Variants in CDC34 observed in about 807,000 individuals in gnomAD.
CDC34 encodes cell division cycle 34, ubiquitin conjugating enzyme, also known as ubiquitin-conjugating enzyme E2 R1.
In CDC34, 18 loss-of-function variants were observed where a neutral mutation model predicts 26.8. That is an observed-to-expected ratio of 0.67 (90% CI 0.47 to 1.00). The LOEUF is 1.00. CDC34 is among the 50% of genes least tolerant of loss of function. The pLI is 0.00. For missense variants in CDC34, 280 were observed against 334.5 expected, an observed-to-expected ratio of 0.84 and a Z score of 1.27; for synonymous variants, 178 against 147.5, an observed-to-expected ratio of 1.21 and a Z score of -1.50.
intron 1 of CDC34, among the ~76,000 whole-genome samples, chr19:535,222 G>T (rs531094138): frequency 6.6e-6 from 1 of 152,348 alleles, no homozygotes; most frequent in South Asian, 2.1e-4. Context: ...TGACAGGGAA[G>T]GAGTCCTGCC....
At chr19:537,810 C>G (rs1979830643) in intron 4 of CDC34, among the ~76,000 whole-genome samples, 1 of 151,908 alleles carries the variant, frequency 6.6e-6, no homozygotes, top group South Asian at 2.1e-4. Context: ...TGCCCACTAC[C>G]ACGCCGAGCT....
Position 535,941 on chromosome 19 carries a change from G to C in CDC34, c.264+18G>C. On this transcript the variant is annotated intron_variant, in intron 2 of 4. Transcript: ENST00000215574. The stretch of plus-strand genomic sequence containing the variant: ...TCTACGAGGTGAGCGCGGCCCCCAC[G>C]GGCCTCAAGTCCTCATCCTCCGGGA... The C allele has an allele frequency of 6.2e-7, 1 of 1,607,244 alleles. No homozygotes were observed. Among genetic ancestry groups the C allele is most frequent in the South Asian group, 1.1e-5 (1 of 90,944 alleles).
At chr19:540,045 C>CCAGGTTTAGAATCCGGAGGCCGGGGTGG (rs1979942622) in intron 4 of CDC34, among the ~76,000 whole-genome samples, 1 of 139,346 alleles carries the variant, frequency 7.2e-6, no homozygotes. Context: ...GGCCAGGCCC[C>CCAGGTTTAGAATCCGGAGGCCGGGGTGG]CCACGTTTAG....
At chr19:538,960 C>T (rs940815803) in intron 4 of CDC34, 25 of 985,234 alleles carry the variant, frequency 2.5e-5, no homozygotes, top group Non-Finnish European at 2.8e-5. Context: ...CGGTTCTTCC[C>T]GGCCACCTCC....
At chr19:538,811 C>T (rs1172799950) in intron 4 of CDC34, 1 of 985,146 alleles carries the variant, frequency 1.0e-6, no homozygotes. Flanking sequence ...CCCGTGCGGC[C>T]TCCTGGGAAG....
At position 541,597 on chromosome 19, in the gene CDC34, C is replaced by T; in HGVS notation, c.*45C>T. On this transcript the variant is annotated 3_prime_UTR_variant, in exon 5 of 5. Transcript: ENST00000215574. Reference sequence around the variant, plus strand: ...CCGAGTTTACCTCACTAGGGCCGGACCCGTGGCTCCTTAGACGACAGACTA... The same window carrying T: ...CCGAGTTTACCTCACTAGGGCCGGATCCGTGGCTCCTTAGACGACAGACTA... 6.6e-7 allele frequency: 1 copy of T among 1,515,400 alleles called. No individual in the cohort carries two copies. Among genetic ancestry groups the T allele is most frequent in the Non-Finnish European group, 8.9e-7 (1 of 1,129,916 alleles). 93.9% of individuals were successfully genotyped at this position (1,515,400 alleles called of 1,614,324 possible).
chr19:536,142 C>T (rs1979737142), intron 2 of CDC34, 101 bp from the exon 3 acceptor site: 4 of 1,002,468 alleles, frequency 4.0e-6, no homozygotes, highest in Middle Eastern at 2.1e-4. Flanking sequence ...GCGCTGGGAG[C>T]CTCACGTCCT....
rs995788792 is a variant in CDC34 at position 541,855 on chromosome 19, G to T, written c.*303G>T. 15 of 230,102 alleles carry T rather than the reference G, an allele frequency of 6.5e-5. No homozygotes were observed. Among genetic ancestry groups the T allele is most frequent in the African/African-American group, 3.2e-4 (14 of 44,236 alleles). The allele number at this position is 230,102 out of a possible 1,614,324, so 14.3% of individuals were successfully genotyped here. On this transcript the variant is annotated 3_prime_UTR_variant, in exon 5 of 5. Coordinates refer to ENST00000215574, the MANE Select transcript of CDC34 (RefSeq NM_004359.2). ...TTCTACCGGGGTCCCCCAGCTTCCGGACTGGCCGCACCCCGGAGGAGCCAC... is the reference window on the plus strand; with the variant it reads ...TTCTACCGGGGTCCCCCAGCTTCCGTACTGGCCGCACCCCGGAGGAGCCAC...
intron 1 of CDC34, among the ~76,000 whole-genome samples, chr19:533,974 C>T (rs1016498842): frequency 4.6e-5 from 7 of 152,220 alleles, no homozygotes; most frequent in African/African-American, 1.7e-4. Flanking sequence ...GGGCAGGGGC[C>T]GCCAGAGAGA....
At position 541,493 on chromosome 19, in the gene CDC34, G is replaced by C. The variant is rs531877075; in HGVS notation, c.652G>C (p.Glu218Gln). Residue 218 changes from glutamate (E) to glutamine (Q), a missense_variant, in exon 5 of 5, where the codon GAG becomes CAG. Physicochemically the swap from Glu to Gln is conservative, Grantham distance 29. Transcript: ENST00000215574. ...CTACTACGAGGACGGCGAGGTGGAG[G>C]AGGAGGCCGACAGCTGCTTCGGGGA... Reference protein sequence around the residue: ...DDYYEDGEVEEEADSCFGDDE... With the variant: ...DDYYEDGEVEQEADSCFGDDE... 6.2e-7 allele frequency: 1 copy of C among 1,611,036 alleles called. No individual in the cohort carries two copies. Among genetic ancestry groups the C allele is most frequent in the East Asian group, 2.2e-5 (1 of 44,800 alleles).
intron 1 of CDC34, 115 bp from the exon 2 acceptor site, chr19:535,722 C>T (rs556738390): frequency 5.6e-5 from 46 of 822,628 alleles, no homozygotes; most frequent in Non-Finnish European, 8.8e-5. Context: ...TACGGTGTCC[C>T]TCACACACAC....
rs1046479060 is a variant in CDC34, at chr19:541,718, C to T, written c.*166C>T. On this transcript the variant is annotated 3_prime_UTR_variant, in exon 5 of 5. Coordinates refer to ENST00000215574, the MANE Select transcript of CDC34 (RefSeq NM_004359.2). ...GTCTGTTCTGGGTTTTCACGTGCTTCAGAGAAGAGGGGCTGCCCCACCGCC... is the reference window on the plus strand; with the variant it reads ...GTCTGTTCTGGGTTTTCACGTGCTTTAGAGAAGAGGGGCTGCCCCACCGCC... 1.4e-6 allele frequency: 1 copy of T among 720,986 alleles called. No individual in the cohort carries two copies. Among genetic ancestry groups the T allele is most frequent in the Non-Finnish European group, 2.1e-6 (1 of 481,158 alleles). The allele number at this position is 720,986 out of a possible 1,614,324, so 44.7% of individuals were successfully genotyped here.
chr19:539,962 C>T (rs1979936017), intron 4 of CDC34, among the ~76,000 whole-genome samples: 1 of 150,656 alleles, frequency 6.6e-6, no homozygotes, highest in African/African-American at 2.4e-5. Flanking sequence ...GCTGGGATGG[C>T]CAGGCCCCCC....
At chr19:535,439 CTCCA>C (rs1412582646) in intron 1 of CDC34, among the ~76,000 whole-genome samples, 2 of 152,254 alleles carry the variant, frequency 1.3e-5, no homozygotes. Context: ...TGGGCTTCAG[CTCCA>C]TCCAAGGGGA....
At position 541,841 on chromosome 19, in the gene CDC34, T is replaced by C. The variant is rs553693388; in HGVS notation, c.*289T>C. On this transcript the variant is annotated 3_prime_UTR_variant, in exon 5 of 5. Coordinates refer to ENST00000215574, the MANE Select transcript of CDC34 (RefSeq NM_004359.2). ...GAGCTGAGCCCGACTTCTACCGGGG[T>C]CCCCCAGCTTCCGGACTGGCCGCAC... 4 of 241,366 alleles carry C rather than the reference T, an allele frequency of 1.7e-5. No individual in the cohort carries two copies. Among genetic ancestry groups the C allele is most frequent in the Non-Finnish European group, 3.2e-5 (4 of 125,606 alleles). The allele number at this position is 241,366 out of a possible 1,614,324, so 15.0% of individuals were successfully genotyped here.
rs368089180 is a variant in CDC34 at position 537,135 on chromosome 19, C to T, written c.485C>T (p.Thr162Ile). 2.5e-5 allele frequency: 41 copies of T among 1,613,330 alleles called. 1 individual carries two copies. Among genetic ancestry groups the T allele is most frequent in the Admixed American group, 3.3e-5 (2 of 60,008 alleles). ...KESKGKDREYTDIIRKQVLGT... is the reference protein window; with the variant it reads ...KESKGKDREYIDIIRKQVLGT... ...AGCAAGGGGAAGGATCGGGAGTACA[C>T]AGACATCATCCGGTGAGGGCGGGCG... Residue 162 changes from threonine to isoleucine, a missense_variant, in exon 4 of 5, where the codon ACA becomes ATA. Thr to Ile is a moderately conservative substitution (Grantham distance 89). Transcript: ENST00000215574.
At chr19:537,728 T>C (rs1941046492) in intron 4 of CDC34, among the ~76,000 whole-genome samples, 1 of 143,214 alleles carries the variant, frequency 7.0e-6, no homozygotes, top group African/African-American at 2.6e-5. Flanking sequence ...CGATCTCGGC[T>C]CACTGCAGCC....
At chr19:538,553 A>C (rs1428380314) in intron 4 of CDC34, 1 of 241,154 alleles carries the variant, frequency 4.1e-6, no homozygotes, top group African/African-American at 2.4e-5. Context: ...TTTTTCTCAG[A>C]GTGATATTGC....
chr19:537,862 A>T (rs990508618), intron 4 of CDC34, among the ~76,000 whole-genome samples: 18 of 149,348 alleles, frequency 1.2e-4, no homozygotes, highest in Admixed American at 2.7e-4. Context: ...TCACCATCTT[A>T]GCCAGGCTGG....
Sources: allele counts gnomAD v4.1 joint callset (sites outside exome capture counted in the v4.1 genomes callset), GRCh38; gene constraint gnomAD v4.1.1; transcripts MANE v1.5; gene names NCBI Gene and HGNC (gene_info 2026-07-23, HGNC 2026-07-21).